Variants in CUX1 observed in about 807,000 individuals in gnomAD.
CUX1 encodes cut like homeobox 1.
Under a neutral mutation model 158.8 loss-of-function variants are expected in CUX1, and 31 were observed. The observed-to-expected ratio is 0.20, with a 90% CI of 0.15 to 0.26. The LOEUF (loss-of-function observed/expected upper bound fraction) is 0.26, where lower values mean the gene tolerates loss of function less well. Ranked by LOEUF, CUX1 falls within the 10% of genes least tolerant of loss-of-function variation. The probability of loss-of-function intolerance (pLI) is 1.00; values close to 1 mark genes in which losing one functional copy is unlikely to be tolerated. For missense variants in CUX1, 1,589 were observed against 2,014.6 expected (o/e 0.79, Z 4.04); for synonymous variants, 879 against 862.1 (o/e 1.02, Z -0.34).
intron 21 of CUX1, 71 bp downstream of exon 21, chr7:102,227,740 G>T (rs1261277770): frequency 4.7e-5 from 70 of 1,503,082 alleles, no homozygotes; most frequent in Non-Finnish European, 5.6e-5. Flanking sequence ...TGAAGGGCGG[G>T]CCCTAGGCCA....
intron 21 of CUX1, among the ~76,000 whole-genome samples, chr7:102,229,969 A>T (rs1330480167): frequency 6.6e-6 from 1 of 152,158 alleles, no homozygotes; most frequent in Non-Finnish European, 1.5e-5. Flanking sequence ...GTGTGGTGTT[A>T]ACCAGGCAGG....
At chr7:101,948,750 G>A (rs1808690340) in intron 2 of CUX1, among the ~76,000 whole-genome samples, 1 of 152,198 alleles carries the variant, frequency 6.6e-6, no homozygotes, top group African/African-American at 2.4e-5. Flanking sequence ...ACCCCATTGA[G>A]GTCCTCCGTT....
At chr7:102,048,690 A>T (rs375881938) in intron 3 of CUX1, among the ~76,000 whole-genome samples, 1 of 152,096 alleles carries the variant, frequency 6.6e-6, no homozygotes, top group Admixed American at 6.6e-5. Flanking sequence ...TTAGCTATGC[A>T]TGGTGGCACA....
intron 1 of CUX1, among the ~76,000 whole-genome samples, chr7:101,848,968 C>G (rs1795986354): frequency 6.7e-6 from 1 of 149,886 alleles, no homozygotes; most frequent in Non-Finnish European, 1.5e-5. Flanking sequence ...CAATACAGCT[C>G]TTGTTCCACG....
chr7:102,187,802 C>T (rs1793798615), intron 11 of CUX1, among the ~76,000 whole-genome samples: 2 of 152,070 alleles, frequency 1.3e-5, no homozygotes, highest in African/African-American at 4.8e-5. Flanking sequence ...AGCCACCGCG[C>T]CCAGCCCTGA....
chr7:101,898,127 T>C (rs1801720038), intron 1 of CUX1, among the ~76,000 whole-genome samples: 1 of 152,038 alleles, frequency 6.6e-6, no homozygotes, highest in Admixed American at 6.6e-5. Flanking sequence ...ATTCCCCTGC[T>C]TTAAACCGCA....
intron 7 of CUX1, 94 bp downstream of exon 7, chr7:102,111,868 T>A: frequency 8.8e-7 from 1 of 1,141,084 alleles, no homozygotes; most frequent in Non-Finnish European, 1.3e-6. Context: ...CGCGGATACC[T>A]GTTGCTCTTC....
chr7:101,860,952 GGCAACACCAT>G (rs1797391841), intron 1 of CUX1, among the ~76,000 whole-genome samples: 1 of 152,146 alleles, frequency 6.6e-6, no homozygotes, highest in African/African-American at 2.4e-5. Context: ...AACACAGGTG[GGCAACACCAT>G]GCCTGGCTAA....
intron 1 of CUX1, among the ~76,000 whole-genome samples, chr7:101,836,865 G>A (rs1010854920): frequency 6.6e-6 from 1 of 152,058 alleles, no homozygotes; most frequent in Non-Finnish European, 1.5e-5. Context: ...TGGGGGGCAG[G>A]GGAGACAGAG....
At chr7:102,081,177 C>T (rs1554478629) in intron 4 of CUX1, among the ~76,000 whole-genome samples, 3 of 152,124 alleles carry the variant, frequency 2.0e-5, no homozygotes, top group Non-Finnish European at 4.4e-5. Flanking sequence ...TATGCCAGGA[C>T]GTTATTCTTA....
chr7:101,991,758 CAA>C (rs34948858), intron 2 of CUX1, among the ~76,000 whole-genome samples: 262 of 115,858 alleles, frequency 2.3e-3, no homozygotes, highest in East Asian at 5.8e-3. Flanking sequence ...GACTTCATCT[CAA>C]AAAAAAAAAA....
chr7:102,248,720 C>G lies in CUX1; in HGVS notation c.4196C>G (p.Pro1399Arg). 8.5e-7 allele frequency: 1 copy of G among 1,170,116 alleles called. No homozygotes were observed. The highest frequency in any genetic ancestry group is 1.1e-6 in the Non-Finnish European group (1 of 945,804). The allele number at this position is 1,170,116 out of a possible 1,614,324, so 72.5% of individuals were successfully genotyped here. The change falls in exon 24 of 24, where the codon CCG becomes CGG. Residue 1399 changes from proline (P) to arginine (R), a missense_variant. Physicochemically the swap from Pro to Arg is moderately radical, Grantham distance 103. This residue lies in a region of CUX1 where 344 missense variants were observed against 323.7 expected (regional missense o/e 1.06). Transcript: ENST00000292535. This position sits in a 1 kb window ranked among gnomAD's most constrained non-coding sequence, Gnocchi z 5.8. ...DDHEGGPVEG[P>R]GPLPSPASAT... ...CACGAGGGAGGCCCCGTGGAAGGCCCGGGGCCCCTGCCCAGCCCCGCCTCC... is the reference window on the plus strand; with the variant it reads ...CACGAGGGAGGCCCCGTGGAAGGCCGGGGGCCCCTGCCCAGCCCCGCCTCC...
intron 4 of CUX1, among the ~76,000 whole-genome samples, chr7:102,082,351 A>C (rs1221508985): frequency 1.4e-4 from 21 of 146,248 alleles, no homozygotes; most frequent in African/African-American, 4.4e-4. Flanking sequence ...ACATGGTGAA[A>C]CCCCGTCTCT....
chr7:102,022,154 C>T (rs566913939), intron 2 of CUX1, among the ~76,000 whole-genome samples: 1 of 152,084 alleles, frequency 6.6e-6, no homozygotes, highest in South Asian at 2.1e-4. Flanking sequence ...GACTCCCGCT[C>T]GTACGTTACA....
In CUX1 at chr7:102,256,867, TTTG is replaced by T. The variant is rs782175836; in HGVS notation, c.*7834_*7836del. 304 of 985,482 alleles carry T rather than the reference TTTG, an allele frequency of 3.1e-4. No homozygotes were observed. The highest frequency in any genetic ancestry group is 3.4e-4 in the Non-Finnish European group (280 of 829,958). 61.0% of individuals were successfully genotyped at this position (985,482 alleles called of 1,614,324 possible). On this transcript the variant is annotated 3_prime_UTR_variant, in exon 24 of 24. Transcript: ENST00000292535. ...TGGGTTGATACGTTTTGGTTGGTTT[TTTG>T]TTGTTGTTTTTCTTGCGTACAAAGT...
chr7:102,258,861 G>A (rs961081092), downstream of CUX1, among the ~76,000 whole-genome samples: 9 of 152,216 alleles, frequency 5.9e-5, no homozygotes, highest in Non-Finnish European at 1.2e-4. Flanking sequence ...TCTCTGGAAT[G>A]ACGGGGCTAC....
intron 1 of CUX1, among the ~76,000 whole-genome samples, chr7:101,841,770 G>A (rs1238741017): frequency 1.3e-5 from 2 of 151,930 alleles, no homozygotes; most frequent in Non-Finnish European, 2.9e-5. Flanking sequence ...TTGTTGGACA[G>A]GCTGGTCTTG....
At chr7:101,976,900 ATTTTTTTTTTTTT>A (rs10643207) in intron 2 of CUX1, among the ~76,000 whole-genome samples, 3 of 39,460 alleles carry the variant, frequency 7.6e-5, no homozygotes, top group African/African-American at 1.1e-4. Flanking sequence ...TCCCTTTCTG[ATTTTTTTTTTTTT>A]TTTTTTTTTT....
chr7:102,129,500 A>G (rs1173801099), intron 8 of CUX1, among the ~76,000 whole-genome samples: 3 of 152,128 alleles, frequency 2.0e-5, no homozygotes, highest in African/African-American at 4.8e-5. Flanking sequence ...CCTGGCCAAC[A>G]TGGTAAAACC....
Sources: gnomAD v4.1 joint callset for allele counts (sites outside exome capture counted in the v4.1 genomes callset) on GRCh38, gnomAD v4.1.1 for gene constraint, gnomAD v4.1.1 regional missense constraint, Gnocchi (gnomAD v3.1) non-coding constraint, MANE v1.5 for transcripts, NCBI Gene and HGNC (gene_info 2026-07-23, HGNC 2026-07-21) for gene names.